Variants in PLXNA4 observed in about 807,000 individuals in gnomAD.
PLXNA4 encodes plexin-A4.
Under a neutral mutation model 191.8 loss-of-function variants are expected in PLXNA4, and 44 were observed. That is an observed-to-expected ratio of 0.23 (90% confidence interval 0.18 to 0.29). PLXNA4 has a LOEUF of 0.29. Among genes scored for constraint, PLXNA4 ranks in the 10% least tolerant of loss-of-function variants. The pLI is 1.00. For missense variants in PLXNA4, 1,800 were observed against 2,488.8 expected, an observed-to-expected ratio of 0.72 and a Z score of 5.89; for synonymous variants, 1,082 against 1,009.5, an observed-to-expected ratio of 1.07 and a Z score of -1.36.
chr7:132,441,430 A>G (rs1037872152), intron 3 of PLXNA4, among the ~76,000 whole-genome samples: 2 of 152,222 alleles, frequency 1.3e-5, no homozygotes, highest in African/African-American at 4.8e-5. Flanking sequence ...CTGGAGTACA[A>G]TATATCCTCC....
At chr7:132,592,679 G>A (rs1192550586) in intron 2 of PLXNA4, among the ~76,000 whole-genome samples, 1 of 151,982 alleles carries the variant, frequency 6.6e-6, no homozygotes, top group South Asian at 2.1e-4. Flanking sequence ...CCAGAATGCT[G>A]TAGCCCTTTC....
At chr7:132,467,403 G>C (rs541232206) in intron 3 of PLXNA4, among the ~76,000 whole-genome samples, 13 of 152,300 alleles carry the variant, frequency 8.5e-5, no homozygotes, top group Admixed American at 7.8e-4. Context: ...CCCTGCAGGG[G>C]ACCCGTGAAA....
chr7:132,456,918 A>AT (rs955429252), intron 3 of PLXNA4, among the ~76,000 whole-genome samples: 3 of 151,910 alleles, frequency 2.0e-5, no homozygotes, highest in South Asian at 2.1e-4. Context: ...ATGGTTCTGT[A>AT]TTTTTTTTAA....
At position 132,227,329 on chromosome 7, in the gene PLXNA4, T is replaced by G. The variant is rs535145259; in HGVS notation, c.1882+122A>C. On this transcript the variant is annotated intron_variant, in intron 7 of 31. Transcript: ENST00000321063. ...TTCCCATAACACACCCACCATCCCA[T>G]GCCCCTTCCTCTGACTCTCTCCTGC... 1.9e-3 allele frequency: 2,570 copies of G among 1,341,416 alleles called. 66 individuals are homozygous for G. In the South Asian group the frequency reaches 0.033, roughly 17 times the overall value. 83.1% of individuals were successfully genotyped at this position (1,341,416 alleles called of 1,614,324 possible).
intron 3 of PLXNA4, among the ~76,000 whole-genome samples, chr7:132,389,993 G>A (rs1444838151): frequency 2.0e-5 from 3 of 152,168 alleles, no homozygotes; most frequent in Non-Finnish European, 2.9e-5. Context: ...TTCAACCATT[G>A]TGAAAGACAG....
At chr7:132,339,841 T>C (rs1231775903) in intron 3 of PLXNA4, among the ~76,000 whole-genome samples, 1 of 152,222 alleles carries the variant, frequency 6.6e-6, no homozygotes, top group East Asian at 1.9e-4. Context: ...TATTTGATTT[T>C]AACTGGAAGT....
At chr7:132,385,854 T>C (rs1805113349) in intron 3 of PLXNA4, among the ~76,000 whole-genome samples, 1 of 152,206 alleles carries the variant, frequency 6.6e-6, no homozygotes, top group Non-Finnish European at 1.5e-5. Context: ...GGTCATTCAA[T>C]AAATCATAAG....
At chr7:132,571,123 G>C (rs1342648651) in intron 1 of PLXNA4, among the ~76,000 whole-genome samples, 2 of 152,142 alleles carry the variant, frequency 1.3e-5, no homozygotes, top group East Asian at 3.9e-4. Flanking sequence ...AGTAACCAAA[G>C]TGCCTCACTT....
At chr7:132,172,711 T>G (rs1405455106) in intron 21 of PLXNA4, among the ~76,000 whole-genome samples, 1 of 151,970 alleles carries the variant, frequency 6.6e-6, no homozygotes, top group African/African-American at 2.4e-5. Context: ...AACTTAAACA[T>G]ATGTAACTAA....
intron 17 of PLXNA4, 82 bp from the exon 18 acceptor site, chr7:132,181,702 A>C: frequency 6.4e-7 from 1 of 1,553,540 alleles, no homozygotes; most frequent in Non-Finnish European, 8.7e-7. Flanking sequence ...GCCTCCCTGG[A>C]TGTCATCGGG....
At chr7:132,435,240 C>A (rs1795424713) in intron 3 of PLXNA4, among the ~76,000 whole-genome samples, 2 of 152,198 alleles carry the variant, frequency 1.3e-5, no homozygotes, top group South Asian at 4.2e-4. Context: ...CAAACTCCTA[C>A]TGAACACGTA....
At chr7:132,142,458 T>C (rs1205861511) in intron 29 of PLXNA4, among the ~76,000 whole-genome samples, 1 of 152,204 alleles carries the variant, frequency 6.6e-6, no homozygotes, top group Non-Finnish European at 1.5e-5. Context: ...ATAGAACCAG[T>C]ACAATATTTC....
rs754366028 is a variant in PLXNA4, at chr7:132,508,065, G to A, written c.629C>T (p.Ala210Val). ...GAAGACGTACGCGAACATGCCATCC[G>A]CCTCAGAGTTCTTGGTCAGTTTCCG... ...SSRKLTKNSE[A>V]DGMFAYVFHD... The change falls in exon 2 of 32, where the codon GCG (alanine) becomes GTG (valine). Residue 210 changes from alanine (A) to valine (V), a missense_variant. Ala to Val is a moderately conservative substitution (Grantham distance 64). Transcript: ENST00000321063. The surrounding 1 kb of genome is among the most constrained non-coding windows in gnomAD (Gnocchi z 4.4). 1.6e-5 allele frequency: 26 copies of A among 1,614,066 alleles called. No individual in the cohort carries two copies. Among genetic ancestry groups the A allele is most frequent in the African/African-American group, 2.7e-5 (2 of 74,914 alleles).
intron 30 of PLXNA4, among the ~76,000 whole-genome samples, chr7:132,138,779 C>A (rs1015590665): frequency 2.6e-4 from 39 of 152,296 alleles, no homozygotes; most frequent in African/African-American, 8.4e-4. Context: ...TCATTGAGCA[C>A]CAAGCAGAAA....
At chr7:132,606,063 C>T (rs969639851) in intron 2 of PLXNA4, among the ~76,000 whole-genome samples, 5 of 152,196 alleles carry the variant, frequency 3.3e-5, no homozygotes, top group African/African-American at 1.2e-4. Flanking sequence ...ACAAGGGAGG[C>T]TGAGGCACGA....
At chr7:132,325,574 GT>G (rs143978169) in intron 3 of PLXNA4, among the ~76,000 whole-genome samples, 2,543 of 152,276 alleles carry the variant, frequency 0.017, 79 homozygotes, top group African/African-American at 0.057. Context: ...AAAATGCCAT[GT>G]GGCCGATGGA....
chr7:132,576,534 G>C, upstream of PLXNA4: 1 of 985,918 alleles, frequency 1.0e-6, no homozygotes, highest in Non-Finnish European at 1.2e-6. This position sits in a 1 kb window ranked among gnomAD's most constrained non-coding sequence, Gnocchi z 5.8. Context: ...CGCGCGTGTG[G>C]CTGCCTCCTC....
At chr7:132,510,231 A>T (rs1798653285) in intron 1 of PLXNA4, among the ~76,000 whole-genome samples, 2 of 152,178 alleles carry the variant, frequency 1.3e-5, no homozygotes, top group South Asian at 4.1e-4. Flanking sequence ...AGAGAATGAG[A>T]AGAGGTAGAT....
At position 132,474,283 on chromosome 7, in the gene PLXNA4, G is replaced by T. The variant is rs548958018; in HGVS notation, c.1371+15009C>A. Among the ~76,000 whole-genome samples, 82 of 149,030 alleles carry T rather than the reference G, an allele frequency of 5.5e-4. 1 individual carries two copies. Among genetic ancestry groups the T allele is most frequent in the African/African-American group, 1.9e-3 (78 of 40,080 alleles). On this transcript the variant is annotated intron_variant, in intron 3 of 31. Coordinates refer to ENST00000321063, the MANE Select transcript of PLXNA4 (RefSeq NM_020911.2). ...ATGCACACACCAGCTGCAGCACTAGGGCGTTTGGGAAAGACACAAAATTAG... is the reference window on the plus strand; with the variant it reads ...ATGCACACACCAGCTGCAGCACTAGTGCGTTTGGGAAAGACACAAAATTAG...
Sources: gnomAD v4.1 joint callset for allele counts (sites outside exome capture counted in the v4.1 genomes callset) on GRCh38, gnomAD v4.1.1 for gene constraint, Gnocchi (gnomAD v3.1) non-coding constraint, MANE v1.5 for transcripts, NCBI Gene and HGNC (gene_info 2026-07-23, HGNC 2026-07-21) for gene names.